The following PPP2R2A variants were observed in gnomAD, a reference collection of about 807,000 sequenced individuals.
PPP2R2A encodes the protein protein phosphatase 2 regulatory subunit Balpha.
Under a neutral mutation model 53.2 loss-of-function variants are expected in PPP2R2A, and 9 were observed. That is an observed-to-expected ratio of 0.17 (90% confidence interval 0.10 to 0.30). The LOEUF (loss-of-function observed/expected upper bound fraction) is 0.30, where lower values mean the gene tolerates loss of function less well. PPP2R2A is among the 10% of genes least tolerant of loss of function. The pLI is 1.00. For synonymous variants in PPP2R2A, 169 were observed against 174.2 expected (o/e 0.97, Z 0.23); for missense variants, 235 against 534.6 (o/e 0.44, Z 5.53).
intron 3 of PPP2R2A, among the ~76,000 whole-genome samples, chr8:26,352,729 C>T (rs1804584569): frequency 6.6e-6 from 1 of 152,064 alleles, no homozygotes; most frequent in African/African-American, 2.4e-5. Flanking sequence ...TGTTGTTGTC[C>T]ACGAGTCTAC....
chr8:26,302,214 A>T (rs902945105), intron 2 of PPP2R2A, among the ~76,000 whole-genome samples: 2 of 152,238 alleles, frequency 1.3e-5, no homozygotes, highest in Non-Finnish European at 2.9e-5. Context: ...TCAAAAGAAC[A>T]GTGAAACTGA....
Position 26,362,576 on chromosome 8 carries a change from G to T in PPP2R2A, c.638-108G>T. ...CATAAAAACAGTGGAGTGCAATTCAGAATTAATATTTTTGCTTAGGTCCAT... is the reference window on the plus strand; with the variant it reads ...CATAAAAACAGTGGAGTGCAATTCATAATTAATATTTTTGCTTAGGTCCAT... On this transcript the variant is annotated intron_variant, in intron 6 of 9. Coordinates refer to ENST00000380737, the MANE Select transcript of PPP2R2A (RefSeq NM_002717.4). This position sits in a 1 kb window ranked among gnomAD's most constrained non-coding sequence, Gnocchi z 4.4. The T allele has an allele frequency of 9.8e-7, 1 of 1,015,314 alleles. No individual in the cohort carries two copies. The highest frequency in any genetic ancestry group is 1.4e-6 in the Non-Finnish European group (1 of 699,648). The allele number at this position is 1,015,314 out of a possible 1,614,324, so 62.9% of individuals were successfully genotyped here. A position where few individuals can be genotyped will look rare whatever the true frequency, so the allele number is the denominator to read the frequency against.
chr8:26,307,902 T>C (rs1344965328), intron 2 of PPP2R2A, among the ~76,000 whole-genome samples: 1 of 152,228 alleles, frequency 6.6e-6, no homozygotes, highest in Non-Finnish European at 1.5e-5. Context: ...TTCTTCTGAC[T>C]TCACAGCCCA....
At chr8:26,365,497 T>C (rs1351698595) in intron 8 of PPP2R2A, 1 of 152,214 alleles carries the variant, frequency 6.6e-6, no homozygotes, top group Non-Finnish European at 1.5e-5. Context: ...ATTTAGAAGG[T>C]ACCTTCTCAT....
At position 26,354,441 on chromosome 8, in the gene PPP2R2A, G is replaced by T. The variant is rs773535161; in HGVS notation, c.181-27G>T. 1 of 1,473,082 alleles carries T rather than the reference G, an allele frequency of 6.8e-7. No homozygotes were observed. The highest frequency in any genetic ancestry group is 9.1e-7 in the Non-Finnish European group (1 of 1,094,848). 91.3% of individuals were successfully genotyped at this position (1,473,082 alleles called of 1,614,324 possible). A position where few individuals can be genotyped will look rare whatever the true frequency, so the allele number is the denominator to read the frequency against. ...TATTTTGAAATATTTTTCAACAATG[G>T]TCCATATATTTTTGTTTTCATTTTA... On this transcript the variant is annotated intron_variant, in intron 3 of 9. Transcript: ENST00000380737. This position sits in a 1 kb window ranked among gnomAD's most constrained non-coding sequence, Gnocchi z 4.6.
rs567872486 is a variant in PPP2R2A at position 26,354,484 on chromosome 8, A to G, written c.197A>G (p.His66Arg). The part of the protein sequence containing the change: ...QQEQENKIQS[H>R]SRGEYNVYST... ...TCATTTTAGAACAAAATCCAGTCTCATAGCAGAGGAGAATATAATGTTTAC... is the reference window on the plus strand; with the variant it reads ...TCATTTTAGAACAAAATCCAGTCTCGTAGCAGAGGAGAATATAATGTTTAC... Residue 66 changes from histidine (H) to arginine (R), a missense_variant, in exon 4 of 10, where the codon CAT (histidine) becomes CGT (arginine). Around this residue, in one of 3 missense-constraint regions of PPP2R2A, gnomAD observed 51 missense variants for 80.6 expected, o/e 0.63. Coordinates refer to ENST00000380737, the MANE Select transcript of PPP2R2A (RefSeq NM_002717.4). The surrounding 1 kb of genome is among the most constrained non-coding windows in gnomAD (Gnocchi z 4.6). 3 of 1,558,604 alleles carry G rather than the reference A, an allele frequency of 1.9e-6. No homozygotes were observed. Among genetic ancestry groups the G allele is most frequent in the Admixed American group, 1.9e-5 (1 of 53,426 alleles).
chr8:26,368,890 A>C (rs1805524214), intron 9 of PPP2R2A, among the ~76,000 whole-genome samples: 1 of 152,078 alleles, frequency 6.6e-6, no homozygotes, highest in South Asian at 2.1e-4. Flanking sequence ...GCGGATCATG[A>C]GGTCAGGAGA....
chr8:26,301,680 C>T (rs1801796549), intron 2 of PPP2R2A, among the ~76,000 whole-genome samples: 1 of 152,136 alleles, frequency 6.6e-6, no homozygotes, highest in African/African-American at 2.4e-5. Flanking sequence ...TGGTCGGAGT[C>T]CGTAGCTGCC....
intron 2 of PPP2R2A, among the ~76,000 whole-genome samples, chr8:26,326,498 C>T (rs946424258): frequency 2.6e-5 from 4 of 152,134 alleles, no homozygotes; most frequent in South Asian, 2.1e-4. Flanking sequence ...AGGAAACAAA[C>T]TGTATTGGGT....
At chr8:26,355,884 A>T (rs1338023964) in intron 4 of PPP2R2A, among the ~76,000 whole-genome samples, 1 of 151,774 alleles carries the variant, frequency 6.6e-6, no homozygotes, top group Non-Finnish European at 1.5e-5. Flanking sequence ...AAAAAAAAAA[A>T]AGTTAGTAAT....
intron 3 of PPP2R2A, among the ~76,000 whole-genome samples, chr8:26,351,825 T>G (rs1804529758): frequency 1.3e-5 from 2 of 152,218 alleles, no homozygotes; most frequent in Non-Finnish European, 2.9e-5. Flanking sequence ...CTTTAAAACT[T>G]GGTTATGATG....
At chr8:26,345,945 G>A (rs945058143) in intron 3 of PPP2R2A, among the ~76,000 whole-genome samples, 2 of 151,842 alleles carry the variant, frequency 1.3e-5, no homozygotes, top group African/African-American at 4.8e-5. Context: ...TTTGTTGATT[G>A]GCTGCCTTTA....
At chr8:26,307,903 TCAC>T (rs1219027392) in intron 2 of PPP2R2A, among the ~76,000 whole-genome samples, 2 of 152,194 alleles carry the variant, frequency 1.3e-5, no homozygotes, top group Admixed American at 6.5e-5. Context: ...TCTTCTGACT[TCAC>T]AGCCCATGTA....
At chr8:26,296,613 A>T (rs565970650) in intron 2 of PPP2R2A, among the ~76,000 whole-genome samples, 1 of 152,238 alleles carries the variant, frequency 6.6e-6, no homozygotes, top group Admixed American at 6.5e-5. Flanking sequence ...ACTGTTACAT[A>T]CTACAGAGTT....
At chr8:26,299,901 T>C (rs995870391) in intron 2 of PPP2R2A, among the ~76,000 whole-genome samples, 2 of 152,214 alleles carry the variant, frequency 1.3e-5, no homozygotes, top group African/African-American at 4.8e-5. Context: ...CCTAATGACC[T>C]ATGGTAAAGG....
chr8:26,338,830 A>G lies in PPP2R2A; in HGVS notation c.83-60A>G, dbSNP rs1480219774. 8.2e-7 allele frequency: 1 copy of G among 1,221,372 alleles called. No homozygotes were observed. Among genetic ancestry groups the G allele is most frequent in the African/African-American group, 1.5e-5 (1 of 66,028 alleles). 75.7% of individuals were successfully genotyped at this position (1,221,372 alleles called of 1,614,324 possible). On this transcript the variant is annotated intron_variant, in intron 2 of 9. Transcript: ENST00000380737. The surrounding 1 kb of genome is among the most constrained non-coding windows in gnomAD (Gnocchi z 4.5). ...GTTTGGGAAAACACGCTAAGTTCTG[A>G]AACTAGTGAGTCGGGAAAGAAAAAC...
chr8:26,352,139 GTATGAATTGT>G (rs1804550977), intron 3 of PPP2R2A, among the ~76,000 whole-genome samples: 1 of 152,216 alleles, frequency 6.6e-6, no homozygotes, highest in African/African-American at 2.4e-5. Context: ...GGTAAAGCCA[GTATGAATTGT>G]TGAAGGATGT....
At position 26,360,827 on chromosome 8, in the gene PPP2R2A, A is replaced by G. The variant is rs1266150419; in HGVS notation, c.460-147A>G. 1.5e-6 allele frequency: 1 copy of G among 673,564 alleles called. No homozygotes were observed. Among genetic ancestry groups the G allele is most frequent in the African/African-American group, 1.9e-5 (1 of 52,908 alleles). The allele number at this position is 673,564 out of a possible 1,614,324, so 41.7% of individuals were successfully genotyped here. A position where few individuals can be genotyped will look rare whatever the true frequency, so the allele number is the denominator to read the frequency against. ...TTTTCTTCAGCACTCGAAAGGATCAACATCAGTTGCTTTTTAAAACTAAAT... is the reference window on the plus strand; with the variant it reads ...TTTTCTTCAGCACTCGAAAGGATCAGCATCAGTTGCTTTTTAAAACTAAAT... On this transcript the variant is annotated intron_variant, in intron 5 of 9. Coordinates refer to ENST00000380737, the MANE Select transcript of PPP2R2A (RefSeq NM_002717.4). This position sits in a 1 kb window ranked among gnomAD's most constrained non-coding sequence, Gnocchi z 4.5.
chr8:26,313,565 TA>T (rs1802394019), intron 2 of PPP2R2A, among the ~76,000 whole-genome samples: 1 of 152,200 alleles, frequency 6.6e-6, no homozygotes, highest in Non-Finnish European at 1.5e-5. Flanking sequence ...CTGTGACTGT[TA>T]CCTTATATGG....
Sources: allele counts gnomAD v4.1 joint callset (sites outside exome capture counted in the v4.1 genomes callset), GRCh38; gene constraint gnomAD v4.1.1; regional missense constraint gnomAD v4.1.1; non-coding constraint Gnocchi (gnomAD v3.1); transcripts MANE v1.5; gene names NCBI Gene and HGNC (gene_info 2026-07-23, HGNC 2026-07-21).